The following GRIN2B variants were observed in gnomAD, a reference collection of about 807,000 sequenced individuals.
The protein encoded by GRIN2B is glutamate receptor ionotropic, NMDA 2B.
GRIN2B carries 5 observed loss-of-function variants against 114.5 expected under a neutral mutation model. The observed-to-expected ratio is 0.04, with a 90% CI of 0.02 to 0.09. The LOEUF (loss-of-function observed/expected upper bound fraction) is 0.09, where lower values mean the gene tolerates loss of function less well. Ranked by LOEUF, GRIN2B falls within the 10% of genes least tolerant of loss-of-function variation. GRIN2B has a pLI of 1.00. For synonymous variants in GRIN2B, 787 were observed against 745.1 expected (o/e 1.06, Z -0.92); for missense variants, 1,108 against 1,943.5 (o/e 0.57, Z 8.08).
At chr12:13,578,894 A>G (rs1427455499) in intron 10 of GRIN2B, among the ~76,000 whole-genome samples, 2 of 152,108 alleles carry the variant, frequency 1.3e-5, no homozygotes, top group East Asian at 1.9e-4. Context: ...GACAAGGGGG[A>G]AAATGTATCA....
At chr12:13,690,810 GA>G (rs1298659602) in intron 4 of GRIN2B, among the ~76,000 whole-genome samples, 2 of 152,134 alleles carry the variant, frequency 1.3e-5, no homozygotes, top group Non-Finnish European at 2.9e-5. Flanking sequence ...TTGTGGCTAT[GA>G]TTTTTTTAGT....
intron 4 of GRIN2B, among the ~76,000 whole-genome samples, chr12:13,714,941 T>C (rs140162427): frequency 0.016 from 2,373 of 151,986 alleles, 64 homozygotes; most frequent in African/African-American, 0.053. Flanking sequence ...GTTTATGTAC[T>C]ATCACTTCAT....
chr12:13,842,839 C>A (rs1325305623), intron 3 of GRIN2B, among the ~76,000 whole-genome samples: 1 of 151,168 alleles, frequency 6.6e-6, no homozygotes, highest in Non-Finnish European at 1.5e-5. Context: ...ATAGCAAGGG[C>A]TCCATACATA....
intron 10 of GRIN2B, among the ~76,000 whole-genome samples, chr12:13,592,857 G>A (rs1280616946): frequency 6.6e-6 from 1 of 152,134 alleles, no homozygotes; most frequent in Non-Finnish European, 1.5e-5. Context: ...ACTGATGTGT[G>A]ATTAAACAAG....
At chr12:13,805,326 G>A (rs1021132953) in intron 3 of GRIN2B, among the ~76,000 whole-genome samples, 3 of 152,066 alleles carry the variant, frequency 2.0e-5, no homozygotes, top group African/African-American at 7.2e-5. Context: ...GCAGAAACCA[G>A]AGTTCATGGA....
chr12:13,820,412 T>A (rs1437098603), intron 3 of GRIN2B, among the ~76,000 whole-genome samples: 1 of 152,138 alleles, frequency 6.6e-6, no homozygotes. Flanking sequence ...CCTATTAGTT[T>A]CCCCAAATCA....
In GRIN2B at chr12:13,946,946, C is replaced by T. The variant is rs181651466; in HGVS notation, c.-19+32982G>A. Among the ~76,000 whole-genome samples the T allele has an allele frequency of 2.0e-5, 3 of 152,044 alleles. No individual in the cohort carries two copies. In the East Asian group the frequency reaches 5.8e-4, roughly 29 times the overall value. ...CCTTAGAAGTGTTTTCACCTTTGAG[C>T]GATGCATATAGTAAAATTTGGGTAA... On this transcript the variant is annotated intron_variant, in intron 2 of 13. Transcript: ENST00000609686.
Position 13,885,868 on chromosome 12 carries a change from A to C in GRIN2B, c.-18-19642T>G, listed in dbSNP as rs376899270. ...TCTAATGCAGTGTTTCTCAAAATAA[A>C]ATCTGCAAGCAACCTGCATCAGAAA... On this transcript the variant is annotated intron_variant, in intron 2 of 13. Coordinates refer to ENST00000609686, the MANE Select transcript of GRIN2B (RefSeq NM_000834.5). Among the ~76,000 whole-genome samples, 3 of 152,356 alleles carry C rather than the reference A, an allele frequency of 2.0e-5. No homozygotes were observed. In the South Asian group the frequency reaches 6.2e-4, roughly 32 times the overall value.
chr12:13,688,171 C>T (rs1163541441), intron 4 of GRIN2B, among the ~76,000 whole-genome samples: 2 of 152,094 alleles, frequency 1.3e-5, no homozygotes, highest in Non-Finnish European at 2.9e-5. Flanking sequence ...ACGCTAAGAA[C>T]AATGTTGTCA....
chr12:13,928,037 C>A (rs574064847), intron 2 of GRIN2B, among the ~76,000 whole-genome samples: 1 of 144,590 alleles, frequency 6.9e-6, no homozygotes, highest in Non-Finnish European at 1.5e-5. Flanking sequence ...GGAGGCCAGG[C>A]GCAGTGGCAC....
intron 3 of GRIN2B, among the ~76,000 whole-genome samples, chr12:13,787,511 A>G (rs1158459097): frequency 6.6e-6 from 1 of 152,230 alleles, no homozygotes; most frequent in African/African-American, 2.4e-5. Flanking sequence ...CTTCTGCAAA[A>G]GGGCAAGCCG....
In GRIN2B at chr12:13,741,284, C is replaced by A. The variant is rs959284727; in HGVS notation, c.1010+12033G>T. On this transcript the variant is annotated intron_variant, in intron 4 of 13. Coordinates refer to ENST00000609686, the MANE Select transcript of GRIN2B (RefSeq NM_000834.5). ...TGACCTCATGATCCACCCACCTTGG[C>A]CTTCCAAAGTGCTGGGATTACAGGC... Among the ~76,000 whole-genome samples the A allele has an allele frequency of 3.3e-5, 5 of 152,160 alleles. No homozygotes were observed. The East Asian group carries it at 7.7e-4, about 24-fold the overall frequency.
intron 4 of GRIN2B, among the ~76,000 whole-genome samples, chr12:13,695,605 G>A (rs999202140): frequency 1.2e-4 from 18 of 152,114 alleles, no homozygotes; most frequent in South Asian, 2.1e-4. Flanking sequence ...AGAGAATAAC[G>A]GAGTCAGGGT....
intron 12 of GRIN2B, among the ~76,000 whole-genome samples, chr12:13,568,202 C>G (rs183398797): frequency 6.6e-6 from 1 of 152,158 alleles, no homozygotes; most frequent in Admixed American, 6.5e-5. Flanking sequence ...TCACCAGATG[C>G]TAGGAAGTAG....
intron 10 of GRIN2B, among the ~76,000 whole-genome samples, chr12:13,601,247 G>A (rs938884961): frequency 2.0e-5 from 3 of 152,194 alleles, no homozygotes; most frequent in African/African-American, 7.2e-5. Flanking sequence ...CAAGGTGTTA[G>A]CTGGGCAGTG....
At chr12:13,722,945 G>A (rs1321960565) in intron 4 of GRIN2B, among the ~76,000 whole-genome samples, 2 of 151,996 alleles carry the variant, frequency 1.3e-5, no homozygotes, top group Admixed American at 6.6e-5. Context: ...CTTCTGCTCT[G>A]GCTTCAGCCA....
intron 4 of GRIN2B, among the ~76,000 whole-genome samples, chr12:13,718,163 T>G (rs1950474140): frequency 6.6e-6 from 1 of 152,022 alleles, no homozygotes; most frequent in Admixed American, 6.6e-5. Context: ...CTCACTCACT[T>G]TTCTCTAACC....
In GRIN2B at chr12:13,615,451, TAAATGA is replaced by T. The variant is rs1565477711; in HGVS notation, c.1500+36_1500+41del. The T allele has an allele frequency of 1.3e-6, 2 of 1,556,242 alleles. No homozygotes were observed. The highest frequency in any genetic ancestry group is 8.9e-7 in the Non-Finnish European group (1 of 1,127,214). ...AAACTTATATTTAGAAGAAGGAAAA[TAAATGA>T]AAATGGAAATGGAAACAGCCCTTGT... On this transcript the variant is annotated intron_variant, in intron 7 of 13. Transcript: ENST00000609686. The surrounding 1 kb of genome is among the most constrained non-coding windows in gnomAD (Gnocchi z 5.8).
rs1161950224 is a variant in GRIN2B at position 13,891,736 on chromosome 12, GA to G, written c.-18-25511del. On this transcript the variant is annotated intron_variant, in intron 2 of 13. Coordinates refer to ENST00000609686, the MANE Select transcript of GRIN2B (RefSeq NM_000834.5). ...ATCCTCTATTTAGCCTTAGAATGGTGAATTATAGGTATCTTACAAATGCTGC... is the reference window on the plus strand; with the variant it reads ...ATCCTCTATTTAGCCTTAGAATGGTGATTATAGGTATCTTACAAATGCTGC... 2.4e-4 allele frequency among the ~76,000 whole-genome samples: 37 copies of G among 152,218 alleles called. 2 individuals are homozygous for G. The East Asian group carries it at 6.2e-3, about 26-fold the overall frequency.
Sources: gnomAD v4.1 joint callset for allele counts (sites outside exome capture counted in the v4.1 genomes callset) on GRCh38, gnomAD v4.1.1 for gene constraint, Gnocchi (gnomAD v3.1) non-coding constraint, MANE v1.5 for transcripts, NCBI Gene and HGNC (gene_info 2026-07-23, HGNC 2026-07-21) for gene names.